AGTPBP1: variants seen among roughly 807,000 people sequenced by gnomAD.
AGTPBP1 encodes cytosolic carboxypeptidase 1.
AGTPBP1 carries 70 observed loss-of-function variants against 143.9 expected under a neutral mutation model. The ratio of observed to expected loss-of-function variants is 0.49; its 90% CI spans 0.40 to 0.59. The LOEUF is 0.59. Among genes scored for constraint, AGTPBP1 ranks in the 20% least tolerant of loss-of-function variants. The pLI is 0.00. For missense variants in AGTPBP1, 1,229 were observed against 1,464.5 expected (o/e 0.84, Z 2.62); for synonymous variants, 463 against 500.2 (o/e 0.93, Z 0.99).
At chr9:85,585,726 T>C in intron 22 of AGTPBP1, 132 bp from the exon 23 acceptor site, 1 of 670,526 alleles carries the variant, frequency 1.5e-6, no homozygotes, top group South Asian at 3.7e-5. Flanking sequence ...AACCACCATT[T>C]AACAATTAGA....
intron 2 of AGTPBP1, among the ~76,000 whole-genome samples, chr9:85,705,730 A>G (rs771052637): frequency 3.3e-5 from 5 of 152,004 alleles, no homozygotes; most frequent in East Asian, 1.9e-4. Flanking sequence ...TCGCTCTGTC[A>G]CCCAGGCTGG....
intron 12 of AGTPBP1, 193 bp from the exon 13 acceptor site, chr9:85,643,136 T>C (rs1221258112): frequency 1.9e-6 from 1 of 534,450 alleles, no homozygotes; most frequent in African/African-American, 1.9e-5. Context: ...TATTGTTGGG[T>C]AGTTTTGTTT....
chr9:85,782,428 T>C, the AGTPBP1 span, among the ~76,000 whole-genome samples: 2 of 152,000 alleles, frequency 1.3e-5, no homozygotes, highest in African/African-American at 4.8e-5. Flanking sequence ...GGCAGGAGAA[T>C]CGCTTGAACC....
intron 11 of AGTPBP1, among the ~76,000 whole-genome samples, chr9:85,654,812 C>T (rs1833393170): frequency 1.3e-5 from 2 of 151,478 alleles, no homozygotes; most frequent in African/African-American, 4.9e-5. Context: ...CACTGCACTC[C>T]ACCCTGGGCA....
At chr9:85,717,558 G>A (rs1187929854) in intron 1 of AGTPBP1, among the ~76,000 whole-genome samples, 4 of 152,080 alleles carry the variant, frequency 2.6e-5, no homozygotes, top group Non-Finnish European at 4.4e-5. Flanking sequence ...GAATGTTCGT[G>A]TGCCTCCCAA....
At chr9:85,715,817 T>G (rs1418683018) in intron 1 of AGTPBP1, among the ~76,000 whole-genome samples, 2 of 152,208 alleles carry the variant, frequency 1.3e-5, no homozygotes, top group Non-Finnish European at 2.9e-5. Flanking sequence ...ACCAAGTTTG[T>G]GGCTTTGCCA....
At chr9:85,699,420 A>G (rs1268325500) in intron 2 of AGTPBP1, among the ~76,000 whole-genome samples, 1 of 152,218 alleles carries the variant, frequency 6.6e-6, no homozygotes, top group Non-Finnish European at 1.5e-5. Context: ...GAATATGGCA[A>G]AAGTCCCAAT....
intron 17 of AGTPBP1, among the ~76,000 whole-genome samples, chr9:85,600,225 T>C (rs1051257053): frequency 6.6e-6 from 1 of 152,194 alleles, no homozygotes; most frequent in East Asian, 1.9e-4. Context: ...CACTGGTACA[T>C]ATAAAATAAG....
At chr9:85,781,911 A>C in the AGTPBP1 span, among the ~76,000 whole-genome samples, 5 of 152,310 alleles carry the variant, frequency 3.3e-5, no homozygotes, top group East Asian at 9.6e-4. Context: ...AAAGTAAAAA[A>C]TACTATGAAG....
intron 19 of AGTPBP1, among the ~76,000 whole-genome samples, chr9:85,590,269 T>TACTAC (rs1398055847): frequency 3.9e-5 from 6 of 152,132 alleles, no homozygotes; most frequent in African/African-American, 1.2e-4. Context: ...CCACCTAGAT[T>TACTAC]ACTACTAACA....
chr9:85,773,383 A>T, the AGTPBP1 span, among the ~76,000 whole-genome samples: 1 of 104,896 alleles, frequency 9.5e-6, no homozygotes. Context: ...CCCAGGCTGG[A>T]GTGCAATGGG....
At chr9:85,551,678 C>G (rs1826045887) in intron 25 of AGTPBP1, among the ~76,000 whole-genome samples, 1 of 152,200 alleles carries the variant, frequency 6.6e-6, no homozygotes, top group Non-Finnish European at 1.5e-5. Context: ...AGGCACAAGA[C>G]CAATCACAGC....
chr9:85,576,757 T>C (rs1312640315), intron 24 of AGTPBP1, among the ~76,000 whole-genome samples: 1 of 152,154 alleles, frequency 6.6e-6, no homozygotes, highest in Non-Finnish European at 1.5e-5. Context: ...TGCTTTCCAC[T>C]CAATTTTGCT....
rs549596338 is a variant in AGTPBP1 at position 85,598,309 on chromosome 9, C to T, written c.2336-1860G>A. Among the ~76,000 whole-genome samples the T allele has an allele frequency of 2.6e-5, 4 of 152,192 alleles. No homozygotes were observed. In the South Asian group the frequency reaches 8.3e-4, roughly 32 times the overall value. The stretch of plus-strand genomic sequence containing the variant: ...TAATTCTAATTTGGATGAGTTGCTG[C>T]CTAGGAAATCTGATTTCATCTTGTT... On this transcript the variant is annotated intron_variant, in intron 17 of 25. Coordinates refer to ENST00000357081, the MANE Select transcript of AGTPBP1 (RefSeq NM_001330701.2).
chr9:85,657,041 G>A (rs1053719809), intron 10 of AGTPBP1, among the ~76,000 whole-genome samples: 2 of 151,734 alleles, frequency 1.3e-5, no homozygotes, highest in Admixed American at 1.3e-4. Context: ...GGGGTGGGGG[G>A]AGAGGGGAGG....
intron 6 of AGTPBP1, among the ~76,000 whole-genome samples, chr9:85,674,145 TAAAC>T (rs1037183989): frequency 6.7e-5 from 10 of 148,278 alleles, no homozygotes; most frequent in East Asian, 2.0e-4. Flanking sequence ...AAAAAAGACT[TAAAC>T]AAAGTAAATA....
chr9:85,774,503 T>C, the AGTPBP1 span, among the ~76,000 whole-genome samples: 2 of 152,214 alleles, frequency 1.3e-5, no homozygotes, highest in Non-Finnish European at 2.9e-5. Flanking sequence ...ATTAAAGTAA[T>C]ATCTTGGGTC....
intron 2 of AGTPBP1, among the ~76,000 whole-genome samples, chr9:85,703,622 G>A (rs1467496780): frequency 1.3e-5 from 2 of 152,160 alleles, no homozygotes; most frequent in African/African-American, 2.4e-5. Flanking sequence ...TAACACTAGA[G>A]GATGAAAAGA....
intron 1 of AGTPBP1, among the ~76,000 whole-genome samples, chr9:85,738,135 G>C (rs1459250429): frequency 6.6e-6 from 1 of 152,132 alleles, no homozygotes; most frequent in Admixed American, 6.5e-5. Context: ...CATTTTAAGT[G>C]AACTGACAAT....
Sources: gnomAD v4.1 joint callset for allele counts (sites outside exome capture counted in the v4.1 genomes callset) on GRCh38, gnomAD v4.1.1 for gene constraint, MANE v1.5 for transcripts, NCBI Gene and HGNC (gene_info 2026-07-23, HGNC 2026-07-21) for gene names.